SLC60A1: variants seen among roughly 807,000 people sequenced by gnomAD.
SLC60A1 encodes the protein major facilitator superfamily domain containing 4.
At chr1:205,584,162 G>T in the SLC60A1 span, 1 of 1,575,894 alleles carries the variant, frequency 6.3e-7, no homozygotes. Flanking sequence ...ACAGCCTCAT[G>T]TTGAGGCTTC....
the SLC60A1 span, chr1:205,591,991 G>C: frequency 7.7e-5 from 83 of 1,080,086 alleles, no homozygotes; most frequent in Non-Finnish European, 1.0e-4. Flanking sequence ...GTTCCCGCCT[G>C]GTCCACGGGG....
At chr1:205,588,385 A>G in the SLC60A1 span, among the ~76,000 whole-genome samples, 1 of 144,876 alleles carries the variant, frequency 6.9e-6, no homozygotes, top group South Asian at 2.2e-4. Context: ...CAGGAGAATC[A>G]CTTGAACCTA....
the SLC60A1 span, chr1:205,599,257 G>A: frequency 6.2e-7 from 1 of 1,613,738 alleles, no homozygotes; most frequent in Non-Finnish European, 8.5e-7. Flanking sequence ...ATCAGGTAAG[G>A]AAAGTATCTG....
At chr1:205,573,451 T>C in the SLC60A1 span, among the ~76,000 whole-genome samples, 3 of 151,370 alleles carry the variant, frequency 2.0e-5, no homozygotes, top group East Asian at 5.8e-4. Flanking sequence ...GGTATATCCA[T>C]GCAACGGAAT....
At chr1:205,575,831 C>G in the SLC60A1 span, among the ~76,000 whole-genome samples, 1 of 152,168 alleles carries the variant, frequency 6.6e-6, no homozygotes, top group Admixed American at 6.5e-5. Context: ...TCTTGGGTCT[C>G]TCTGGGCCTT....
chr1:205,598,078 T>C, the SLC60A1 span: 1 of 484,766 alleles, frequency 2.1e-6, no homozygotes, highest in Non-Finnish European at 3.8e-6. Context: ...CATGGAAAAG[T>C]CCAAAGCAAA....
the SLC60A1 span, among the ~76,000 whole-genome samples, chr1:205,585,417 A>G: frequency 3.3e-5 from 5 of 152,204 alleles, no homozygotes; most frequent in Admixed American, 3.3e-4. This position sits in a 1 kb window ranked among gnomAD's most constrained non-coding sequence, Gnocchi z 4.2. Flanking sequence ...GGTGGAATTT[A>G]GGCCCAGCTG....
At chr1:205,569,152 T>G in the SLC60A1 span, 2 of 1,537,998 alleles carry the variant, frequency 1.3e-6, no homozygotes, top group Non-Finnish European at 1.8e-6. Context: ...TTCTTCAGCT[T>G]CGGCCTGTGC....
the SLC60A1 span, among the ~76,000 whole-genome samples, chr1:205,579,206 G>A: frequency 6.6e-6 from 1 of 152,152 alleles, no homozygotes; most frequent in Non-Finnish European, 1.5e-5. Context: ...CTGGGTTGTG[G>A]GCGCTGGTGT....
At chr1:205,595,654 CCTCT>C in the SLC60A1 span, among the ~76,000 whole-genome samples, 1 of 152,196 alleles carries the variant, frequency 6.6e-6, no homozygotes, top group Non-Finnish European at 1.5e-5. Flanking sequence ...ACTTCCTTCC[CCTCT>C]CTGAGCCTCA....
At chr1:205,585,365 A>G in the SLC60A1 span, among the ~76,000 whole-genome samples, 1 of 152,214 alleles carries the variant, frequency 6.6e-6, no homozygotes, top group Admixed American at 6.5e-5. This position sits in a 1 kb window ranked among gnomAD's most constrained non-coding sequence, Gnocchi z 4.2. Flanking sequence ...GGAATACATT[A>G]CAAACCTGGG....
At chr1:205,599,916 T>A in the SLC60A1 span, 3 of 139,462 alleles carry the variant, frequency 2.2e-5, no homozygotes, top group African/African-American at 7.4e-5. Flanking sequence ...AGGCGGAGAC[T>A]CTGTCCTCCC....
chr1:205,569,037 G>C, the SLC60A1 span: 4 of 1,339,698 alleles, frequency 3.0e-6, no homozygotes, highest in Non-Finnish European at 3.9e-6. Flanking sequence ...CGGGCTCGCC[G>C]GGACCAGATC....
chr1:205,593,635 T>A, the SLC60A1 span, among the ~76,000 whole-genome samples: 1 of 152,060 alleles, frequency 6.6e-6, no homozygotes, highest in African/African-American at 2.4e-5. Flanking sequence ...TCGTTAGGAA[T>A]AAAATCTTTT....
chr1:205,583,729 G>A, the SLC60A1 span, among the ~76,000 whole-genome samples: 1 of 152,186 alleles, frequency 6.6e-6, no homozygotes, highest in East Asian at 1.9e-4. Flanking sequence ...TGTCTTTTCA[G>A]GGACGCGAGT....
the SLC60A1 span, among the ~76,000 whole-genome samples, chr1:205,590,014 A>C: frequency 1.3e-5 from 2 of 152,200 alleles, no homozygotes; most frequent in African/African-American, 4.8e-5. Flanking sequence ...CAACTGCATG[A>C]CTGGGATGCC....
At chr1:205,597,654 C>T in the SLC60A1 span, 1 of 912,700 alleles carries the variant, frequency 1.1e-6, no homozygotes, top group Non-Finnish European at 1.8e-6. Flanking sequence ...CTTCTGACTC[C>T]TAAAGTACTG....
chr1:205,602,796 T>C, the SLC60A1 span: 2 of 152,252 alleles, frequency 1.3e-5, no homozygotes, highest in Non-Finnish European at 2.9e-5. Context: ...ATCCTTTTTA[T>C]ACAGATTTAG....
the SLC60A1 span, among the ~76,000 whole-genome samples, chr1:205,590,508 T>C: frequency 2.8e-4 from 42 of 152,354 alleles, no homozygotes; most frequent in African/African-American, 8.4e-4. Flanking sequence ...GTAAGGCCTC[T>C]GAGCCTCGAG....
Sources: gnomAD v4.1 joint callset for allele counts (sites outside exome capture counted in the v4.1 genomes callset) on GRCh38, gnomAD v4.1.1 for gene constraint, Gnocchi (gnomAD v3.1) non-coding constraint, MANE v1.5 for transcripts, NCBI Gene and HGNC (gene_info 2026-07-23, HGNC 2026-07-21) for gene names.